The following EPHB1 variants were observed in gnomAD, a reference collection of about 807,000 sequenced individuals.
EPHB1 encodes the protein ephrin type-B receptor 1.
A neutral mutation model predicts 94.4 loss-of-function variants in EPHB1; 30 were observed. The ratio of observed to expected loss-of-function variants is 0.32; its 90% CI spans 0.24 to 0.43. EPHB1 has a LOEUF of 0.43. EPHB1 is among the 20% of genes least tolerant of loss of function. EPHB1 has a pLI of 1.00. For synonymous variants in EPHB1, 522 were observed against 489.1 expected (o/e 1.07, Z -0.89); for missense variants, 1,055 against 1,308.3 (o/e 0.81, Z 2.99).
intron 5 of EPHB1, among the ~76,000 whole-genome samples, chr3:135,149,880 G>A (rs975578217): frequency 2.6e-5 from 4 of 152,182 alleles, no homozygotes; most frequent in Non-Finnish European, 5.9e-5. Flanking sequence ...CTGCTGGGGA[G>A]TCCATACCAT....
chr3:134,873,942 T>C (rs983208596), intron 1 of EPHB1, among the ~76,000 whole-genome samples: 5 of 152,258 alleles, frequency 3.3e-5, no homozygotes, highest in African/African-American at 1.2e-4. Context: ...AAGGAGAGAC[T>C]GAGAAAGGAG....
intron 5 of EPHB1, among the ~76,000 whole-genome samples, chr3:135,146,331 G>T (rs1002456095): frequency 2.0e-5 from 3 of 152,236 alleles, no homozygotes; most frequent in African/African-American, 7.2e-5. Context: ...AGTTTAGAAA[G>T]ATTAATATGG....
chr3:135,107,745 G>T (rs542584626), intron 4 of EPHB1, among the ~76,000 whole-genome samples: 1 of 152,262 alleles, frequency 6.6e-6, no homozygotes, highest in East Asian at 1.9e-4. Context: ...TAAAGAGGGG[G>T]AATGAAAGTA....
chr3:134,902,352 C>A (rs2038219506), intron 1 of EPHB1, among the ~76,000 whole-genome samples: 1 of 152,118 alleles, frequency 6.6e-6, no homozygotes, highest in South Asian at 2.1e-4. Flanking sequence ...GAGTCACTGG[C>A]AGGAGGAAGG....
At chr3:135,250,200 A>G (rs533985715) in intron 15 of EPHB1, among the ~76,000 whole-genome samples, 1 of 152,342 alleles carries the variant, frequency 6.6e-6, no homozygotes, top group East Asian at 1.9e-4. Flanking sequence ...TTAGCATTAT[A>G]AAGGCCATGA....
intron 1 of EPHB1, among the ~76,000 whole-genome samples, chr3:134,838,401 C>G (rs892984668): frequency 6.6e-6 from 1 of 152,140 alleles, no homozygotes; most frequent in African/African-American, 2.4e-5. Context: ...TTCTTGATTT[C>G]CTGTTCTAGC....
intron 1 of EPHB1, among the ~76,000 whole-genome samples, chr3:134,828,065 G>A (rs2036517338): frequency 6.6e-6 from 1 of 152,092 alleles, no homozygotes. Context: ...GAAGCCTTCT[G>A]AACTGCCTGG....
chr3:134,862,711 T>G (rs1177326975), intron 1 of EPHB1, among the ~76,000 whole-genome samples: 1 of 151,866 alleles, frequency 6.6e-6, no homozygotes, highest in Non-Finnish European at 1.5e-5. Context: ...TGGCCATTGG[T>G]GTTTGGGGAT....
At chr3:135,020,581 A>G (rs1406340179) in intron 3 of EPHB1, among the ~76,000 whole-genome samples, 1 of 152,224 alleles carries the variant, frequency 6.6e-6, no homozygotes, top group Non-Finnish European at 1.5e-5. Flanking sequence ...TCAAGGTTGT[A>G]GCATGTCTCA....
Position 134,993,618 on chromosome 3 carries a change from T to C in EPHB1, c.805+41566T>C, listed in dbSNP as rs575203450. 2.0e-5 allele frequency among the ~76,000 whole-genome samples: 3 copies of C among 152,322 alleles called. No homozygotes were observed. In the East Asian group the frequency reaches 5.8e-4, roughly 29 times the overall value. ...TCTGGAGGGATGTACAGTGTTGGCC[T>C]GCAGCATAGATGAGGGCTAGGAAGG... On this transcript the variant is annotated intron_variant, in intron 3 of 15. Transcript: ENST00000398015.
At chr3:135,153,068 G>A (rs1236676018) in intron 5 of EPHB1, among the ~76,000 whole-genome samples, 2 of 152,192 alleles carry the variant, frequency 1.3e-5, no homozygotes, top group Non-Finnish European at 2.9e-5. Context: ...GACTCACTGA[G>A]GGTCCAATGA....
rs1252399617 is a variant in EPHB1 at position 134,816,085 on chromosome 3, T to TTG, written c.58+20397_58+20398insGT. On this transcript the variant is annotated intron_variant, in intron 1 of 15. Transcript: ENST00000398015. The stretch of plus-strand genomic sequence containing the variant: ...TTCTTTTTTCTTTTTCTGTTTCTGT[T>TTG]TTTTTTTTTTTTTTTGAGACAGAGT... Among the ~76,000 whole-genome samples the TTG allele has an allele frequency of 0.012, 20 of 1,604 alleles. No homozygotes were observed. In the South Asian group the frequency reaches 0.14, roughly 11 times the overall value. The allele number at this position is 1,604 out of a possible 152,430, so 1.1% of individuals were successfully genotyped here.
At chr3:134,958,759 G>C (rs572990237) in intron 3 of EPHB1, among the ~76,000 whole-genome samples, 2 of 152,248 alleles carry the variant, frequency 1.3e-5, no homozygotes, top group South Asian at 4.2e-4. Context: ...TTGGCTGTCT[G>C]TAATTGACTG....
chr3:134,955,071 CTTTTTTTTTTT>C (rs1197013147), intron 3 of EPHB1, among the ~76,000 whole-genome samples: 275 of 8,416 alleles, frequency 0.033, 15 homozygotes, highest in Non-Finnish European at 0.042. Context: ...GACATCCTTT[CTTTTTTTTTTT>C]TTTTTTTTTT....
chr3:135,105,755 G>A lies in EPHB1; in HGVS notation c.806-693G>A, dbSNP rs72977548. ...ATAGATGACACCAAGTGTGTGACAC[G>A]TTCCCTGGTGTGCTGTCTGCAAAGT... On this transcript the variant is annotated intron_variant, in intron 3 of 15. Transcript: ENST00000398015. 6.5e-3 allele frequency among the ~76,000 whole-genome samples: 989 copies of A among 152,248 alleles called. 7 individuals carry two copies. Among genetic ancestry groups the A allele is most frequent in the African/African-American group, 0.022 (929 of 41,534 alleles).
intron 3 of EPHB1, among the ~76,000 whole-genome samples, chr3:135,011,586 C>G (rs1935622101): frequency 6.6e-6 from 1 of 152,214 alleles, no homozygotes; most frequent in Non-Finnish European, 1.5e-5. Flanking sequence ...GCTTCATACT[C>G]TGTTCTGGAA....
At chr3:134,977,339 G>A (rs750618122) in intron 3 of EPHB1, among the ~76,000 whole-genome samples, 5 of 152,314 alleles carry the variant, frequency 3.3e-5, no homozygotes, top group South Asian at 2.1e-4. Context: ...CCATCTTCAC[G>A]AAGAATGGAC....
rs1578120022 is a variant in EPHB1, at chr3:134,829,232, G to C, written c.58+33543G>C. On this transcript the variant is annotated intron_variant, in intron 1 of 15. Transcript: ENST00000398015. ...ATTAACCACCACTAGCATCTATTGA[G>C]ATGCTGGGCAAGTGTGCTCTGCTCC... Among the ~76,000 whole-genome samples the C allele has an allele frequency of 5.3e-5, 8 of 152,300 alleles. No individual in the cohort carries two copies. The South Asian group carries it at 1.7e-3, about 32-fold the overall frequency.
At chr3:134,955,105 A>ATTTTTTTTTTTTTTTTTTTTT (rs1174011769) in intron 3 of EPHB1, among the ~76,000 whole-genome samples, 34 of 24,134 alleles carry the variant, frequency 1.4e-3, no homozygotes, top group Non-Finnish European at 1.9e-3. Context: ...TTTTTTTTTA[A>ATTTTTTTTTTTTTTTTTTTTT]TTTTTTTTTT....
Sources: gnomAD v4.1 joint callset for allele counts (sites outside exome capture counted in the v4.1 genomes callset) on GRCh38, gnomAD v4.1.1 for gene constraint, MANE v1.5 for transcripts, NCBI Gene and HGNC (gene_info 2026-07-23, HGNC 2026-07-21) for gene names.